PTPRD: variants seen among roughly 807,000 people sequenced by gnomAD.
The protein encoded by PTPRD is receptor-type tyrosine-protein phosphatase delta.
In PTPRD, 34 loss-of-function variants were observed where a neutral mutation model predicts 214.5. The observed-to-expected ratio is 0.16, with a 90% CI of 0.12 to 0.21. The LOEUF (loss-of-function observed/expected upper bound fraction) is 0.21, where lower values mean the gene tolerates loss of function less well. Among genes scored for constraint, PTPRD ranks in the 10% least tolerant of loss-of-function variants. PTPRD has a pLI of 1.00. For synonymous variants in PTPRD, 1,128 were observed against 845.7 expected, an observed-to-expected ratio of 1.33 and a Z score of -5.79; for missense variants, 2,545 against 2,398.7, an observed-to-expected ratio of 1.06 and a Z score of -1.27.
chr9:10,171,610 C>T (rs147132062), intron 3 of PTPRD, among the ~76,000 whole-genome samples: 3,265 of 152,222 alleles, frequency 0.021, 55 homozygotes, highest in South Asian at 0.046. Flanking sequence ...CTGCGAGCTC[C>T]GCCTCCCGGG....
At chr9:8,323,066 C>T (rs1430680255) in intron 44 of PTPRD, among the ~76,000 whole-genome samples, 1 of 152,116 alleles carries the variant, frequency 6.6e-6, no homozygotes, top group Non-Finnish European at 1.5e-5. Context: ...GAAAGCTCGA[C>T]CTCTTGTACC....
chr9:8,387,919 CA>C (rs1384857389), intron 37 of PTPRD, among the ~76,000 whole-genome samples: 2 of 152,168 alleles, frequency 1.3e-5, no homozygotes, highest in African/African-American at 4.8e-5. Flanking sequence ...ACCTTAAGTA[CA>C]AATCAGTAAC....
chr9:10,156,136 T>A (rs1252357870), intron 3 of PTPRD, among the ~76,000 whole-genome samples: 2 of 148,276 alleles, frequency 1.3e-5, no homozygotes, highest in South Asian at 4.3e-4. Context: ...CTGTCTCCTT[T>A]GGTTCAGCTC....
chr9:8,726,875 G>A (rs928398981), intron 12 of PTPRD, among the ~76,000 whole-genome samples: 2 of 151,164 alleles, frequency 1.3e-5, no homozygotes, highest in African/African-American at 4.9e-5. Flanking sequence ...GGAGGCTGAG[G>A]TGAGAGGATG....
intron 11 of PTPRD, among the ~76,000 whole-genome samples, chr9:9,012,554 G>A (rs2154363163): frequency 6.6e-6 from 1 of 152,246 alleles, no homozygotes; most frequent in South Asian, 2.1e-4. Context: ...TATCAAATGG[G>A]TAAGATGCTT....
At chr9:8,651,173 G>C (rs1460574393) in intron 12 of PTPRD, among the ~76,000 whole-genome samples, 1 of 152,306 alleles carries the variant, frequency 6.6e-6, no homozygotes, top group Non-Finnish European at 1.5e-5. Flanking sequence ...AGATGATTAT[G>C]AGAAAAGCGT....
At chr9:8,589,304 A>G (rs1355487917) in intron 14 of PTPRD, among the ~76,000 whole-genome samples, 1 of 152,178 alleles carries the variant, frequency 6.6e-6, no homozygotes, top group African/African-American at 2.4e-5. Flanking sequence ...GATAAACACT[A>G]AAAGTCACAT....
chr9:8,773,563 C>T (rs563881959), intron 11 of PTPRD, among the ~76,000 whole-genome samples: 27 of 152,198 alleles, frequency 1.8e-4, no homozygotes, highest in Admixed American at 6.5e-4. Flanking sequence ...ATAAATTGGT[C>T]CCTATCCTAC....
chr9:10,120,241 T>C (rs1187363949), intron 3 of PTPRD, among the ~76,000 whole-genome samples: 1 of 151,836 alleles, frequency 6.6e-6, no homozygotes, highest in African/African-American at 2.4e-5. Context: ...CCACTAGTCA[T>C]AATAATACAA....
At chr9:9,945,324 A>G (rs192337740) in intron 4 of PTPRD, among the ~76,000 whole-genome samples, 7 of 152,162 alleles carry the variant, frequency 4.6e-5, no homozygotes, top group Non-Finnish European at 8.8e-5. Flanking sequence ...GTGGTATTAT[A>G]AACATAGAGA....
chr9:10,280,977 G>C (rs891193267), intron 3 of PTPRD, among the ~76,000 whole-genome samples: 1 of 152,108 alleles, frequency 6.6e-6, no homozygotes, highest in Non-Finnish European at 1.5e-5. Flanking sequence ...AATCACATTT[G>C]AGAACCACTG....
intron 8 of PTPRD, among the ~76,000 whole-genome samples, chr9:9,466,219 G>T (rs1055560097): frequency 6.6e-6 from 1 of 152,062 alleles, no homozygotes; most frequent in Non-Finnish European, 1.5e-5. Flanking sequence ...TGAGGTGGGA[G>T]GATTGCTTGG....
At chr9:9,730,325 G>C (rs903597887) in intron 7 of PTPRD, among the ~76,000 whole-genome samples, 1 of 152,022 alleles carries the variant, frequency 6.6e-6, no homozygotes, top group Non-Finnish European at 1.5e-5. Context: ...AGAAAACTGA[G>C]AACACTAATG....
chr9:9,286,425 ATT>A (rs1421381864), intron 9 of PTPRD, among the ~76,000 whole-genome samples: 2 of 151,596 alleles, frequency 1.3e-5, no homozygotes, highest in African/African-American at 2.4e-5. Context: ...TTTCCATTTC[ATT>A]TTTGTTTCTT....
intron 2 of PTPRD, among the ~76,000 whole-genome samples, chr9:10,375,222 TATC>T (rs1238242835): frequency 6.6e-6 from 1 of 152,090 alleles, no homozygotes; most frequent in Non-Finnish European, 1.5e-5. Context: ...GTACTTGCAT[TATC>T]ATGTTGCTTG....
rs999948943 is a variant in PTPRD, at chr9:10,227,610, T to C, written c.-545+113353A>G. Reference sequence around the variant, plus strand: ...AATGATGCCTTGAGTCCTGGGTGCATTTTTCATCCATCCTTAGAAAGTGAT... The same window carrying C: ...AATGATGCCTTGAGTCCTGGGTGCACTTTTCATCCATCCTTAGAAAGTGAT... On this transcript the variant is annotated intron_variant, in intron 3 of 45. Transcript: ENST00000381196. 3.2e-4 allele frequency among the ~76,000 whole-genome samples: 48 copies of C among 152,032 alleles called. 1 individual carries two copies. The highest frequency in any genetic ancestry group is 2.1e-4 in the South Asian group (1 of 4,820).
intron 7 of PTPRD, among the ~76,000 whole-genome samples, chr9:9,619,321 T>A (rs571927924): frequency 1.3e-5 from 2 of 151,866 alleles, no homozygotes; most frequent in South Asian, 4.1e-4. Context: ...AGAAAGGAAA[T>A]AAATGACAAA....
chr9:9,274,417 T>G (rs558311261), intron 9 of PTPRD, among the ~76,000 whole-genome samples: 1 of 151,444 alleles, frequency 6.6e-6, no homozygotes, highest in East Asian at 2.0e-4. Flanking sequence ...CTCAACCAAT[T>G]ATTATCAGAC....
intron 9 of PTPRD, among the ~76,000 whole-genome samples, chr9:9,281,876 G>A (rs1401327747): frequency 6.6e-6 from 1 of 151,006 alleles, no homozygotes; most frequent in Non-Finnish European, 1.5e-5. Context: ...TAGATGAATG[G>A]ATAAACTGTA....
Sources: gnomAD v4.1 joint callset for allele counts (sites outside exome capture counted in the v4.1 genomes callset) on GRCh38, gnomAD v4.1.1 for gene constraint, MANE v1.5 for transcripts, NCBI Gene and HGNC (gene_info 2026-07-23, HGNC 2026-07-21) for gene names.